SLC28A1: variants seen among roughly 807,000 people sequenced by gnomAD.
SLC28A1 encodes the protein sodium/nucleoside cotransporter 1.
In SLC28A1, 64 loss-of-function variants were observed where a neutral mutation model predicts 74.8. The observed-to-expected ratio is 0.86, with a 90% CI of 0.70 to 1.05. SLC28A1 has a LOEUF of 1.05. Among genes scored for constraint, SLC28A1 ranks in the 50% least tolerant of loss-of-function variants. SLC28A1 has a pLI of 0.00. For missense variants in SLC28A1, 828 were observed against 822.8 expected, an observed-to-expected ratio of 1.01 and a Z score of -0.08; for synonymous variants, 359 against 335.0, an observed-to-expected ratio of 1.07 and a Z score of -0.78.
the SLC28A1 span, chr15:84,961,450 G>C: frequency 2.2e-6 from 1 of 450,418 alleles, no homozygotes; most frequent in Non-Finnish European, 4.4e-6. Flanking sequence ...TCCTACCTCA[G>C]TCTCCCAAGC....
downstream of SLC28A1, among the ~76,000 whole-genome samples, chr15:84,946,962 A>G (rs571885414): frequency 5.3e-5 from 8 of 152,168 alleles, no homozygotes; most frequent in South Asian, 2.1e-4. Context: ...GCCAGGTCCA[A>G]CTTCTTTCCT....
chr15:84,972,592 T>G, the SLC28A1 span, among the ~76,000 whole-genome samples: 2 of 152,186 alleles, frequency 1.3e-5, no homozygotes, highest in East Asian at 3.8e-4. Context: ...TCTCAATACT[T>G]CTAGCCACAG....
At chr15:84,935,245 G>T (rs778894256) in intron 14 of SLC28A1, 51 bp downstream of exon 14, 3 of 1,611,660 alleles carry the variant, frequency 1.9e-6, no homozygotes, top group Non-Finnish European at 2.5e-6. Flanking sequence ...GCCCCAGGTG[G>T]GTGGTGAGTG....
At chr15:84,951,118 G>A in the SLC28A1 span, among the ~76,000 whole-genome samples, 2 of 152,166 alleles carry the variant, frequency 1.3e-5, no homozygotes, top group Non-Finnish European at 2.9e-5. Flanking sequence ...CTTGGACCAT[G>A]AAGACAAAGG....
chr15:84,957,259 GTTTGTTTTGT>G, the SLC28A1 span, among the ~76,000 whole-genome samples: 2 of 151,896 alleles, frequency 1.3e-5, no homozygotes, highest in African/African-American at 4.8e-5. Context: ...TTTTTTGTTT[GTTTGTTTTGT>G]TTTGTTTTGT....
chr15:84,909,167 C>T (rs1172744562), intron 9 of SLC28A1, among the ~76,000 whole-genome samples: 1 of 152,036 alleles, frequency 6.6e-6, no homozygotes, highest in Non-Finnish European at 1.5e-5. Context: ...AGACTCTGGG[C>T]CCAGAAAGAG....
In SLC28A1 at chr15:84,945,471, G is replaced by A. The variant is rs74024768; in HGVS notation, c.*271G>A. 2.6e-3 allele frequency: 1,218 copies of A among 467,382 alleles called. 12 individuals are homozygous for A. Among genetic ancestry groups the A allele is most frequent in the African/African-American group, 0.019 (899 of 47,816 alleles). 29.0% of individuals were successfully genotyped at this position (467,382 alleles called of 1,614,324 possible). A position where few individuals can be genotyped will look rare whatever the true frequency, so the allele number is the denominator to read the frequency against. On this transcript the variant is annotated 3_prime_UTR_variant, in exon 19 of 19. Transcript: ENST00000394573. ...CTCAGGGTCACTTCTGCCTCCTCCCGTTTCCCCTCCACATCCAAACAGCAC... is the reference window on the plus strand; with the variant it reads ...CTCAGGGTCACTTCTGCCTCCTCCCATTTCCCCTCCACATCCAAACAGCAC...
At chr15:84,944,917 A>C in intron 18 of SLC28A1, 50 bp downstream of exon 18, 1 of 1,352,492 alleles carries the variant, frequency 7.4e-7, no homozygotes. Context: ...TGATAGACAG[A>C]ATGCCTGAGC....
chr15:84,940,267 C>G (rs1972498901), intron 15 of SLC28A1, among the ~76,000 whole-genome samples: 1 of 152,124 alleles, frequency 6.6e-6, no homozygotes, highest in African/African-American at 2.4e-5. Context: ...ATTTCCATGC[C>G]AATTTATAAC....
the SLC28A1 span, among the ~76,000 whole-genome samples, chr15:84,957,135 G>A: frequency 3.9e-5 from 6 of 152,088 alleles, no homozygotes; most frequent in African/African-American, 7.2e-5. Flanking sequence ...ACCCTATAGT[G>A]TAAAATTCAA....
In SLC28A1 at chr15:84,923,352, T is replaced by C. The variant is rs187383791; in HGVS notation, c.958-633T>C. On this transcript the variant is annotated intron_variant, in intron 11 of 18. Coordinates refer to ENST00000394573, the MANE Select transcript of SLC28A1 (RefSeq NM_004213.5). ...CTTGGTTGCTTGTTGATTATCTATA[T>C]CCTCCCACCCTCCACGGCTCCCAGG... 1.2e-4 allele frequency among the ~76,000 whole-genome samples: 19 copies of C among 152,192 alleles called. No homozygotes were observed. The East Asian group carries it at 2.5e-3, about 20-fold the overall frequency.
At chr15:84,905,782 TG>T in intron 8 of SLC28A1, 130 bp downstream of exon 8, 1 of 759,236 alleles carries the variant, frequency 1.3e-6, no homozygotes, top group South Asian at 1.5e-5. Flanking sequence ...TGGGGTGGAC[TG>T]GGGCCCCAGA....
intron 9 of SLC28A1, among the ~76,000 whole-genome samples, chr15:84,913,260 G>A (rs1469830671): frequency 6.6e-6 from 1 of 152,190 alleles, no homozygotes; most frequent in Admixed American, 6.5e-5. Flanking sequence ...CCTGGGGCTG[G>A]TGACAGGGCA....
intron 9 of SLC28A1, among the ~76,000 whole-genome samples, chr15:84,914,172 A>G (rs1968747451): frequency 6.6e-6 from 1 of 151,222 alleles, no homozygotes. Context: ...CTGGTCTTGA[A>G]CTCCTGAACT....
the SLC28A1 span, among the ~76,000 whole-genome samples, chr15:84,954,909 A>G: frequency 6.6e-6 from 1 of 152,134 alleles, no homozygotes; most frequent in Non-Finnish European, 1.5e-5. Context: ...GAAAGACGGC[A>G]TGGTAGGAAT....
chr15:84,906,587 TTCCTTCCTTC>T (rs1967270107), intron 8 of SLC28A1, among the ~76,000 whole-genome samples: 3 of 115,122 alleles, frequency 2.6e-5, no homozygotes, highest in African/African-American at 6.2e-5. Flanking sequence ...CCTTCCTTCC[TTCCTTCCTTC>T]CTTCCTTCCT....
chr15:84,970,415 C>T, the SLC28A1 span, among the ~76,000 whole-genome samples: 1 of 152,258 alleles, frequency 6.6e-6, no homozygotes, highest in Admixed American at 6.5e-5. Context: ...AACCAATCAA[C>T]CTTGACCCTT....
chr15:84,966,750 T>G, the SLC28A1 span, among the ~76,000 whole-genome samples: 1 of 152,154 alleles, frequency 6.6e-6, no homozygotes, highest in African/African-American at 2.4e-5. Context: ...GTGTGAGTCT[T>G]ATTCACTATC....
chr15:84,960,256 T>G, the SLC28A1 span, among the ~76,000 whole-genome samples: 2 of 39,754 alleles, frequency 5.0e-5, no homozygotes, highest in African/African-American at 1.1e-4. Context: ...TTTTTTTTTT[T>G]TTTTTTTTTT....
Sources: allele counts gnomAD v4.1 joint callset (sites outside exome capture counted in the v4.1 genomes callset), GRCh38; gene constraint gnomAD v4.1.1; transcripts MANE v1.5; gene names NCBI Gene and HGNC (gene_info 2026-07-23, HGNC 2026-07-21).